Variants in CSMD1 observed in about 807,000 individuals in gnomAD.
The protein encoded by CSMD1 is CUB and sushi domain-containing protein 1.
In CSMD1, 213 loss-of-function variants were observed where a neutral mutation model predicts 417.5. The observed-to-expected ratio is 0.51, with a 90% CI of 0.46 to 0.57. The LOEUF (loss-of-function observed/expected upper bound fraction) is 0.57, where lower values mean the gene tolerates loss of function less well. Among genes scored for constraint, CSMD1 ranks in the 20% least tolerant of loss-of-function variants. The pLI, the probability that CSMD1 is intolerant of heterozygous loss-of-function variation, is 0.00. For synonymous variants in CSMD1, 2,862 were observed against 1,736.8 expected (o/e 1.65, Z -16.11); for missense variants, 6,923 against 4,529.7 (o/e 1.53, Z -15.17).
intron 2 of CSMD1, among the ~76,000 whole-genome samples, chr8:4,440,510 T>C (rs985847257): frequency 2.0e-5 from 3 of 152,182 alleles, no homozygotes; most frequent in African/African-American, 7.2e-5. Context: ...CTATAATTTC[T>C]ATGGATATAA....
At chr8:3,097,176 T>C in intron 46 of CSMD1, 139 bp from the exon 47 acceptor site, 2 of 600,734 alleles carry the variant, frequency 3.3e-6, no homozygotes, top group South Asian at 2.4e-5. Flanking sequence ...TAATACCGAA[T>C]GCAAACACAG....
At chr8:3,331,948 T>C (rs1306906951) in intron 23 of CSMD1, among the ~76,000 whole-genome samples, 1 of 152,130 alleles carries the variant, frequency 6.6e-6, no homozygotes, top group Admixed American at 6.5e-5. Context: ...GATAGCTAGA[T>C]AGATAAAAAC....
rs1802544166 is a variant in CSMD1, at chr8:2,950,332, T to C, written c.10213A>G (p.Lys3405Glu). 1 of 1,607,542 alleles carries C rather than the reference T, an allele frequency of 6.2e-7. No individual in the cohort carries two copies. The highest frequency in any genetic ancestry group is 8.5e-7 in the Non-Finnish European group (1 of 1,174,100). ...VELKLTGIYK[K>E]EEAHLLLKAF... Reference sequence around the variant, plus strand: ...TTCAGGAGTAAGTGGGCCTCCTCCTTCTTGTAAATGCCTGTGAAAAGATCA... The same window carrying C: ...TTCAGGAGTAAGTGGGCCTCCTCCTCCTTGTAAATGCCTGTGAAAAGATCA... Residue 3405 changes from lysine to glutamate, a missense_variant, in exon 67 of 70, where the codon AAG becomes GAG. Coordinates refer to ENST00000635120, the MANE Select transcript of CSMD1 (RefSeq NM_033225.6).
At chr8:4,029,083 A>G (rs552528608) in intron 4 of CSMD1, among the ~76,000 whole-genome samples, 45 of 152,216 alleles carry the variant, frequency 3.0e-4, no homozygotes, top group Non-Finnish European at 5.7e-4. Flanking sequence ...AGTTCTTAAA[A>G]TATACACATT....
At chr8:4,195,542 G>A (rs1799284496) in intron 3 of CSMD1, among the ~76,000 whole-genome samples, 1 of 152,160 alleles carries the variant, frequency 6.6e-6, no homozygotes, top group Non-Finnish European at 1.5e-5. Context: ...AGAAAGACTT[G>A]TGATGTGCGT....
At chr8:4,825,796 G>GAAA (rs140684432) in intron 1 of CSMD1, among the ~76,000 whole-genome samples, 9 of 134,822 alleles carry the variant, frequency 6.7e-5, no homozygotes. Context: ...AAAAAAAAAA[G>GAAA]AAAAAAAAAA....
chr8:4,188,798 G>A (rs930348351), intron 3 of CSMD1, among the ~76,000 whole-genome samples: 3 of 42,004 alleles, frequency 7.1e-5, no homozygotes, highest in African/African-American at 1.6e-4. Context: ...ACTCCAGGAT[G>A]AATATTATGG....
chr8:4,739,989 C>G (rs1810502619), intron 1 of CSMD1, among the ~76,000 whole-genome samples: 1 of 152,108 alleles, frequency 6.6e-6, no homozygotes, highest in Admixed American at 6.5e-5. Context: ...AGCCGCCTGC[C>G]CAGGCATCTT....
chr8:3,553,656 C>T (rs549809160), intron 10 of CSMD1, among the ~76,000 whole-genome samples: 10 of 152,254 alleles, frequency 6.6e-5, no homozygotes, highest in African/African-American at 2.4e-4. Flanking sequence ...CAACTTGACT[C>T]TTTGTTAACT....
chr8:3,174,032 A>T (rs1190319546), intron 37 of CSMD1, among the ~76,000 whole-genome samples: 2 of 152,198 alleles, frequency 1.3e-5, no homozygotes, highest in Non-Finnish European at 2.9e-5. Flanking sequence ...AGGAAATGAA[A>T]TGGAGCTCAT....
chr8:4,910,682 T>G (rs904574253), intron 1 of CSMD1, among the ~76,000 whole-genome samples: 10 of 152,176 alleles, frequency 6.6e-5, no homozygotes, highest in Non-Finnish European at 4.4e-5. Context: ...GGCACAAACA[T>G]TCAGTCATAG....
chr8:4,177,300 G>A (rs1158102965), intron 3 of CSMD1, among the ~76,000 whole-genome samples: 1 of 152,110 alleles, frequency 6.6e-6, no homozygotes, highest in South Asian at 2.1e-4. Context: ...TCAACTACAT[G>A]GAAACTGAAC....
At chr8:4,403,961 C>T in intron 3 of CSMD1, among the ~76,000 whole-genome samples, 1 of 152,216 alleles carries the variant, frequency 6.6e-6, no homozygotes, top group Non-Finnish European at 1.5e-5. Context: ...AAACCTTTGG[C>T]ATCACCCCTA....
chr8:3,205,453 A>G, intron 31 of CSMD1, 51 bp downstream of exon 31: 1 of 919,248 alleles, frequency 1.1e-6, no homozygotes, highest in Non-Finnish European at 1.7e-6. Context: ...CAGAAAAATT[A>G]ACACTGAAAG....
intron 1 of CSMD1, among the ~76,000 whole-genome samples, chr8:4,914,539 C>G (rs1454628933): frequency 6.7e-6 from 1 of 149,326 alleles, no homozygotes; most frequent in East Asian, 2.0e-4. Context: ...GATCGCGCCA[C>G]TGCACTCCAG....
chr8:3,879,760 T>C (rs1171879948), intron 5 of CSMD1, among the ~76,000 whole-genome samples: 1 of 152,190 alleles, frequency 6.6e-6, no homozygotes, highest in Non-Finnish European at 1.5e-5. Flanking sequence ...CACGTTTTTC[T>C]ATGAACTAAC....
chr8:2,953,173 G>A (rs1470155463), intron 65 of CSMD1, among the ~76,000 whole-genome samples: 1 of 152,120 alleles, frequency 6.6e-6, no homozygotes, highest in East Asian at 1.9e-4. Flanking sequence ...AGAACATGTT[G>A]CCTGGATAAA....
intron 1 of CSMD1, among the ~76,000 whole-genome samples, chr8:4,915,831 C>G (rs1806028056): frequency 6.6e-6 from 1 of 152,262 alleles, no homozygotes; most frequent in Admixed American, 6.5e-5. Flanking sequence ...GGAGACCCAT[C>G]TGTCACAATG....
intron 5 of CSMD1, among the ~76,000 whole-genome samples, chr8:3,840,801 T>C (rs1803086822): frequency 1.3e-5 from 2 of 151,534 alleles, no homozygotes; most frequent in Non-Finnish European, 2.9e-5. Context: ...GTTCAAGCAA[T>C]TCTCCTGTCT....
Sources: gnomAD v4.1 joint callset for allele counts (sites outside exome capture counted in the v4.1 genomes callset) on GRCh38, gnomAD v4.1.1 for gene constraint, MANE v1.5 for transcripts, NCBI Gene and HGNC (gene_info 2026-07-23, HGNC 2026-07-21) for gene names.